Variants in SMAD1 observed in about 807,000 individuals in gnomAD.
SMAD1 encodes the protein SMAD family member 1.
Under a neutral mutation model 41.6 loss-of-function variants are expected in SMAD1, and 6 were observed. That is an observed-to-expected ratio of 0.14 (90% CI 0.08 to 0.28). SMAD1 has a LOEUF of 0.28. Ranked by LOEUF, SMAD1 falls within the 10% of genes least tolerant of loss-of-function variation. The probability of loss-of-function intolerance (pLI) is 1.00; values close to 1 mark genes in which losing one functional copy is unlikely to be tolerated. For missense variants in SMAD1, 379 were observed against 582.6 expected, an observed-to-expected ratio of 0.65 and a Z score of 3.60; for synonymous variants, 206 against 203.2, an observed-to-expected ratio of 1.01 and a Z score of -0.12.
At chr4:145,552,054 C>T (rs1299794106) in intron 5 of SMAD1, among the ~76,000 whole-genome samples, 1 of 152,092 alleles carries the variant, frequency 6.6e-6, no homozygotes, top group Admixed American at 6.6e-5. Flanking sequence ...TAATGATACC[C>T]AAAACTGAAT....
chr4:145,522,204 G>A (rs1430921995), intron 2 of SMAD1, among the ~76,000 whole-genome samples: 1 of 152,168 alleles, frequency 6.6e-6, no homozygotes, highest in East Asian at 1.9e-4. Flanking sequence ...GGAGGCTGAG[G>A]CAGGAGAACG....
intron 4 of SMAD1, among the ~76,000 whole-genome samples, chr4:145,543,207 T>A (rs1024728506): frequency 6.6e-6 from 1 of 152,206 alleles, no homozygotes; most frequent in Non-Finnish European, 1.5e-5. Context: ...CCTCAGGTGA[T>A]CCGCCCACCT....
intron 2 of SMAD1, among the ~76,000 whole-genome samples, chr4:145,522,298 C>CA (rs202217778): frequency 0.054 from 7,794 of 145,028 alleles, 246 homozygotes; most frequent in South Asian, 0.084. Context: ...GACTCTGTCT[C>CA]AAAAAAACAA....
chr4:145,489,957 G>A (rs1728687314), intron 1 of SMAD1, among the ~76,000 whole-genome samples: 1 of 152,172 alleles, frequency 6.6e-6, no homozygotes, highest in African/African-American at 2.4e-5. Context: ...CAGAGGAGTG[G>A]GAAAACCAGG....
chr4:145,492,325 ACCAGCTT>A, intron 1 of SMAD1, among the ~76,000 whole-genome samples: 1 of 152,232 alleles, frequency 6.6e-6, no homozygotes, highest in Non-Finnish European at 1.5e-5. Context: ...CTTCTGGCTG[ACCAGCTT>A]CAAGTTGGGG....
At chr4:145,486,075 G>A (rs914458919) in intron 1 of SMAD1, among the ~76,000 whole-genome samples, 10 of 152,136 alleles carry the variant, frequency 6.6e-5, no homozygotes, top group African/African-American at 2.4e-4. Context: ...GTTCTGCTGT[G>A]CTTTACTATG....
At position 145,530,739 on chromosome 4, in the gene SMAD1, C is replaced by CA. The variant is rs577618117; in HGVS notation, c.401-9058dup. 2.2e-4 allele frequency among the ~76,000 whole-genome samples: 33 copies of CA among 151,198 alleles called. 1 individual carries two copies. The highest frequency in any genetic ancestry group is 6.9e-4 in the African/African-American group (28 of 40,694). ...ATACCTTTTAAAAAGATCTTGCCCC[C>CA]AAAAAAACAAACAGAAGGATGGAAA... On this transcript the variant is annotated intron_variant, in intron 2 of 6. Transcript: ENST00000302085.
At chr4:145,530,604 A>C (rs7682401) in intron 2 of SMAD1, among the ~76,000 whole-genome samples, 27,594 of 152,018 alleles carry the variant, frequency 0.18, 5,706 homozygotes, top group African/African-American at 0.5. Context: ...AAATTCATTT[A>C]TCTATGTCAA....
At chr4:145,503,028 A>T (rs1251256895) in intron 1 of SMAD1, 1 of 152,224 alleles carries the variant, frequency 6.6e-6, no homozygotes, top group African/African-American at 2.4e-5. Flanking sequence ...GCATCACTAT[A>T]AATAGAATTT....
chr4:145,549,734 T>C (rs1339136148), intron 5 of SMAD1, among the ~76,000 whole-genome samples: 1 of 152,230 alleles, frequency 6.6e-6, no homozygotes, highest in African/African-American at 2.4e-5. Flanking sequence ...AGATAAAGTG[T>C]AACATTTAAT....
chr4:145,501,065 C>T (rs945233235), intron 1 of SMAD1, among the ~76,000 whole-genome samples: 5 of 152,112 alleles, frequency 3.3e-5, no homozygotes, highest in African/African-American at 1.2e-4. Flanking sequence ...CTTAAAATGA[C>T]AAAAAAGTAG....
Position 145,554,094 on chromosome 4 carries a change from T to G in SMAD1, c.1254+54T>G. ...GGCCTAACATACTTTTGCTGTGCTT[T>G]TTTTTTTTTTTTTTGGCGATATATG... On this transcript the variant is annotated intron_variant, in intron 6 of 6. Transcript: ENST00000302085. 3 of 937,020 alleles carry G rather than the reference T, an allele frequency of 3.2e-6. No homozygotes were observed. The South Asian group carries it at 7.3e-5, about 23-fold the overall frequency. 58.0% of individuals were successfully genotyped at this position (937,020 alleles called of 1,614,324 possible). A position where few individuals can be genotyped will look rare whatever the true frequency, so the allele number is the denominator to read the frequency against.
rs1170950479 is a variant in SMAD1 at position 145,542,662 on chromosome 4, A to T, written c.739A>T (p.Met247Leu). The T allele has an allele frequency of 6.2e-7, 1 of 1,613,028 alleles. No homozygotes were observed. The highest frequency in any genetic ancestry group is 8.5e-7 in the Non-Finnish European group (1 of 1,179,554). The change falls in exon 4 of 7, where the codon ATG becomes TTG. Residue 247 changes from methionine to leucine, a missense_variant. Physicochemically the swap from Met to Leu is conservative, Grantham distance 15. Around this residue, in one of 3 missense-constraint regions of SMAD1, gnomAD observed 208 missense variants for 210.5 expected, o/e 0.99. Transcript: ENST00000302085. ...DGSQPMDTNM[M>L]APPLPSEINR... ...CTCTCAGCCGATGGACACAAACATG[A>T]TGGCGCCTCCCCTGCCCTCAGAAAT...
chr4:145,546,496 C>T (rs578053591), intron 4 of SMAD1: 2 of 546,656 alleles, frequency 3.7e-6, no homozygotes, highest in East Asian at 2.9e-5. Flanking sequence ...AAATTGTTCT[C>T]CAATTTTCTC....
At chr4:145,516,470 C>T (rs946537875) in intron 2 of SMAD1, among the ~76,000 whole-genome samples, 1 of 152,148 alleles carries the variant, frequency 6.6e-6, no homozygotes, top group African/African-American at 2.4e-5. Flanking sequence ...TTTTAAGTTT[C>T]TCCATACAGC....
At chr4:145,521,194 G>A (rs75084816) in intron 2 of SMAD1, among the ~76,000 whole-genome samples, 7,831 of 152,170 alleles carry the variant, frequency 0.051, 245 homozygotes, top group South Asian at 0.081. Context: ...TAAATGTAGG[G>A]TTTATTCTTT....
rs149650852 is a variant in SMAD1 at position 145,559,035 on chromosome 4, T to C, written c.*1101T>C. On this transcript the variant is annotated 3_prime_UTR_variant, in exon 7 of 7. Transcript: ENST00000302085. Reference sequence around the variant, plus strand: ...AAACTTTTTAAATTTTTTTGTACTATGTTTGGTTTTATTTTCCTTCTGTTA... The same window carrying C: ...AAACTTTTTAAATTTTTTTGTACTACGTTTGGTTTTATTTTCCTTCTGTTA... Among the ~76,000 whole-genome samples, 651 of 152,330 alleles carry C rather than the reference T, an allele frequency of 4.3e-3. 21 individuals carry two copies. The highest frequency in any genetic ancestry group is 0.036 in the Admixed American group (544 of 15,304).
At chr4:145,492,991 T>G (rs903493973) in intron 1 of SMAD1, among the ~76,000 whole-genome samples, 7 of 152,244 alleles carry the variant, frequency 4.6e-5, no homozygotes, top group Non-Finnish European at 8.8e-5. Flanking sequence ...GAATCAGAAT[T>G]TGTCTGCGTC....
At chr4:145,549,003 C>T (rs997519224) in intron 5 of SMAD1, among the ~76,000 whole-genome samples, 1 of 151,990 alleles carries the variant, frequency 6.6e-6, no homozygotes, top group Non-Finnish European at 1.5e-5. Context: ...AATGCAAATC[C>T]GAATCTAATC....
Sources: gnomAD v4.1 joint callset for allele counts (sites outside exome capture counted in the v4.1 genomes callset) on GRCh38, gnomAD v4.1.1 for gene constraint, gnomAD v4.1.1 regional missense constraint, MANE v1.5 for transcripts, NCBI Gene and HGNC (gene_info 2026-07-23, HGNC 2026-07-21) for gene names.